GRK5: variants seen among roughly 807,000 people sequenced by gnomAD.
The protein encoded by GRK5 is G protein-coupled receptor kinase 5.
A neutral mutation model predicts 78.4 loss-of-function variants in GRK5; 40 were observed. The ratio of observed to expected loss-of-function variants is 0.51; its 90% CI spans 0.40 to 0.66. The LOEUF is 0.66. Among genes scored for constraint, GRK5 ranks in the 30% least tolerant of loss-of-function variants. The probability of loss-of-function intolerance (pLI) is 0.00; values close to 1 mark genes in which losing one functional copy is unlikely to be tolerated. For synonymous variants in GRK5, 289 were observed against 296.8 expected (o/e 0.97, Z 0.27); for missense variants, 598 against 759.9 (o/e 0.79, Z 2.50).
rs1849235074 is a variant in GRK5, at chr10:119,253,566, G to A, written c.52+45597G>A. Among the ~76,000 whole-genome samples the A allele has an allele frequency of 6.6e-6, 1 of 152,188 alleles. No homozygotes were observed. Among genetic ancestry groups the A allele is most frequent in the African/African-American group, 2.4e-5 (1 of 41,442 alleles). On this transcript the variant is annotated intron_variant, in intron 1 of 15. Transcript: ENST00000392870. This position sits in a 1 kb window ranked among gnomAD's most constrained non-coding sequence, Gnocchi z 5.7. ...TGCTTGCGGGATGCTGCCCCACCAC[G>A]GCTGGAACCAGGGCTTCAGCCCGGC...
chr10:119,222,687 G>C (rs2133711799), intron 1 of GRK5, among the ~76,000 whole-genome samples: 1 of 152,140 alleles, frequency 6.6e-6, no homozygotes, highest in African/African-American at 2.4e-5. Flanking sequence ...TTAACAATTG[G>C]AGGAGAATGG....
chr10:119,438,092 A>G (rs773584926), intron 9 of GRK5, among the ~76,000 whole-genome samples: 1 of 152,240 alleles, frequency 6.6e-6, no homozygotes, highest in Non-Finnish European at 1.5e-5. Flanking sequence ...CCGTCTCAAA[A>G]TAAAATAAAA....
intron 1 of GRK5, among the ~76,000 whole-genome samples, chr10:119,315,801 C>G (rs1370952239): frequency 1.3e-5 from 2 of 152,220 alleles, no homozygotes; most frequent in South Asian, 2.1e-4. Flanking sequence ...CATGCAGTCA[C>G]TGCGACACCT....
chr10:119,441,839 A>G (rs920853070), intron 10 of GRK5, among the ~76,000 whole-genome samples, 160 bp from the exon 11 acceptor site: 1 of 151,990 alleles, frequency 6.6e-6, no homozygotes, highest in Non-Finnish European at 1.5e-5. Flanking sequence ...GCACTCTCCC[A>G]AGGCTCTTGT....
At chr10:119,408,777 T>A (rs1852286619) in intron 4 of GRK5, among the ~76,000 whole-genome samples, 1 of 152,032 alleles carries the variant, frequency 6.6e-6, no homozygotes. Flanking sequence ...AAGATAGAGG[T>A]GATGGTTGCC....
chr10:119,432,306 G>A (rs188250399), intron 8 of GRK5, among the ~76,000 whole-genome samples: 349 of 152,256 alleles, frequency 2.3e-3, no homozygotes, highest in Middle Eastern at 0.014. Flanking sequence ...AATAAAGCTG[G>A]GTGCAGTGGT....
At chr10:119,299,090 C>T (rs530763406) in intron 1 of GRK5, among the ~76,000 whole-genome samples, 1 of 152,340 alleles carries the variant, frequency 6.6e-6, no homozygotes, top group African/African-American at 2.4e-5. Flanking sequence ...TATTCATTGA[C>T]CAGCAGAATG....
At chr10:119,449,951 G>A (rs1853242326) in intron 13 of GRK5, among the ~76,000 whole-genome samples, 1 of 152,154 alleles carries the variant, frequency 6.6e-6, no homozygotes, top group Non-Finnish European at 1.5e-5. Context: ...CAGTCCCCAG[G>A]GAGTCTGGGG....
chr10:119,268,103 G>T (rs1461165086), intron 1 of GRK5, among the ~76,000 whole-genome samples: 1 of 152,182 alleles, frequency 6.6e-6, no homozygotes, highest in Non-Finnish European at 1.5e-5. Context: ...CACTGTCTCT[G>T]TTGTGGACAC....
chr10:119,312,355 C>T, intron 1 of GRK5, among the ~76,000 whole-genome samples: 1 of 152,288 alleles, frequency 6.6e-6, no homozygotes, highest in East Asian at 1.9e-4. Context: ...CCTGTTAACC[C>T]AAGGCTGTTT....
chr10:119,266,068 G>T (rs1849490999), intron 1 of GRK5, among the ~76,000 whole-genome samples: 1 of 152,214 alleles, frequency 6.6e-6, no homozygotes, highest in Non-Finnish European at 1.5e-5. Flanking sequence ...CCCCCAGAAG[G>T]CTGTCCTGAG....
At chr10:119,391,487 A>AGGG (rs1851887349) in intron 3 of GRK5, among the ~76,000 whole-genome samples, 1 of 152,206 alleles carries the variant, frequency 6.6e-6, no homozygotes, top group South Asian at 2.1e-4. Context: ...AAAGCGTGGG[A>AGGG]GGGAAATCAG....
chr10:119,426,738 C>G (rs916665529), intron 6 of GRK5, among the ~76,000 whole-genome samples: 2 of 152,052 alleles, frequency 1.3e-5, no homozygotes, highest in Non-Finnish European at 2.9e-5. Flanking sequence ...TCATCAGCAT[C>G]ACCGCCATCA....
intron 3 of GRK5, among the ~76,000 whole-genome samples, chr10:119,381,498 T>A (rs1171027445): frequency 1.3e-5 from 2 of 152,278 alleles, no homozygotes; most frequent in Non-Finnish European, 2.9e-5. Context: ...GGCTCTGGCA[T>A]GGATGACATG....
chr10:119,276,434 C>A (rs188578761), intron 1 of GRK5, among the ~76,000 whole-genome samples: 3,025 of 152,286 alleles, frequency 0.02, 107 homozygotes, highest in African/African-American at 0.068. Context: ...ATGAACTCAT[C>A]ATTTTTTATG....
chr10:119,428,889 T>C (rs1852756809), intron 6 of GRK5, among the ~76,000 whole-genome samples: 1 of 152,208 alleles, frequency 6.6e-6, no homozygotes. Flanking sequence ...AAGAAATTCC[T>C]GGGAGCTTGC....
chr10:119,312,285 C>T (rs1012329436), intron 1 of GRK5, among the ~76,000 whole-genome samples: 4 of 152,188 alleles, frequency 2.6e-5, no homozygotes, highest in East Asian at 3.9e-4. Context: ...TTTTTAATGG[C>T]GATCAGGGTC....
In GRK5 at chr10:119,258,558, A is replaced by G. The variant is rs557605174; in HGVS notation, c.52+50589A>G. On this transcript the variant is annotated intron_variant, in intron 1 of 15. Coordinates refer to ENST00000392870, the MANE Select transcript of GRK5 (RefSeq NM_005308.3). ...GCATTCTCAACAGTGATGCATGAGC[A>G]TTCATTATCTTTCATTATGTTCTAG... Among the ~76,000 whole-genome samples the G allele has an allele frequency of 1.4e-4, 21 of 152,336 alleles. No individual in the cohort carries two copies. In the South Asian group the frequency reaches 3.7e-3, roughly 27 times the overall value.
At chr10:119,442,143 G>C (rs1027461229) in intron 11 of GRK5, 55 bp downstream of exon 11, 35 of 1,427,192 alleles carry the variant, frequency 2.5e-5, no homozygotes, top group Non-Finnish European at 3.4e-5. Flanking sequence ...CCTGCTCACC[G>C]CCGGCCGAGC....
Sources: gnomAD v4.1 joint callset for allele counts (sites outside exome capture counted in the v4.1 genomes callset) on GRCh38, gnomAD v4.1.1 for gene constraint, Gnocchi (gnomAD v3.1) non-coding constraint, MANE v1.5 for transcripts, NCBI Gene and HGNC (gene_info 2026-07-23, HGNC 2026-07-21) for gene names.